NR1D2: variants seen among roughly 807,000 people sequenced by gnomAD.
NR1D2 encodes nuclear receptor subfamily 1 group D member 2, also known as V-erbA-related protein 1-related.
Under a neutral mutation model 52.2 loss-of-function variants are expected in NR1D2, and 25 were observed. That is an observed-to-expected ratio of 0.48 (90% CI 0.35 to 0.67). The LOEUF (loss-of-function observed/expected upper bound fraction) is 0.67. Ranked by LOEUF, NR1D2 falls within the 30% of genes least tolerant of loss-of-function variation. The pLI is 0.01. For synonymous variants in NR1D2, 259 were observed against 230.1 expected (o/e 1.13, Z -1.14); for missense variants, 681 against 707.2 (o/e 0.96, Z 0.42).
chr3:23,967,844 A>G lies in NR1D2; in HGVS notation c.1364A>G (p.Asp455Gly), dbSNP rs780472010. Residue 455 changes from aspartate to glycine, a missense_variant, in exon 7 of 8, where the codon GAT becomes GGT. Transcript: ENST00000312521. ...VLMVRFASLFDAKERTVTFLS... is the reference protein window; with the variant it reads ...VLMVRFASLFGAKERTVTFLS... ...ATGGTACGGTTCGCATCATTATTTGATGCAAAGGAACGTACTGTCACCTTT... is the reference window on the plus strand; with the variant it reads ...ATGGTACGGTTCGCATCATTATTTGGTGCAAAGGAACGTACTGTCACCTTT... 1.9e-6 allele frequency: 3 copies of G among 1,613,882 alleles called. No homozygotes were observed. The highest frequency in any genetic ancestry group is 2.2e-5 in the East Asian group (1 of 44,856).
At chr3:23,955,413 T>A (rs1160512554) in intron 2 of NR1D2, among the ~76,000 whole-genome samples, 36 of 152,212 alleles carry the variant, frequency 2.4e-4, no homozygotes, top group Admixed American at 2.4e-3. Context: ...AATTTCTTAT[T>A]TCCTGCTGAC....
chr3:23,950,718 A>G (rs1705902611), intron 1 of NR1D2, among the ~76,000 whole-genome samples: 1 of 152,152 alleles, frequency 6.6e-6, no homozygotes, highest in South Asian at 2.1e-4. Flanking sequence ...TAAGACAGGA[A>G]TTGGATCTTC....
chr3:23,950,102 C>T (rs1050986653), intron 1 of NR1D2, among the ~76,000 whole-genome samples: 2 of 152,164 alleles, frequency 1.3e-5, no homozygotes. Flanking sequence ...TTGGGACTTG[C>T]TGGTTTGGGG....
chr3:23,975,151 C>A (rs147920160), intron 7 of NR1D2, among the ~76,000 whole-genome samples: 5 of 151,928 alleles, frequency 3.3e-5, no homozygotes, highest in African/African-American at 1.2e-4. Context: ...GACAGCATCT[C>A]GCTCTGTCAC....
chr3:23,968,573 G>A lies in NR1D2; in HGVS notation c.1543+550G>A, dbSNP rs893476369. Among the ~76,000 whole-genome samples, 5 of 152,342 alleles carry A rather than the reference G, an allele frequency of 3.3e-5. No individual in the cohort carries two copies. The South Asian group carries it at 1.0e-3, about 32-fold the overall frequency. ...CTGTCAAAGGAAGGGGTTGTACCAT[G>A]TGAGCCTAGTGTGGTGTCTGGCATA... On this transcript the variant is annotated intron_variant, in intron 7 of 7. Coordinates refer to ENST00000312521, the MANE Select transcript of NR1D2 (RefSeq NM_005126.5).
chr3:23,959,498 C>A (rs1706180485), intron 3 of NR1D2, among the ~76,000 whole-genome samples, 173 bp from the exon 4 acceptor site: 1 of 152,002 alleles, frequency 6.6e-6, no homozygotes, highest in Admixed American at 6.6e-5. Context: ...AAATTAAATT[C>A]TGTGTGTCAA....
At chr3:23,973,486 G>T (rs1706643998) in intron 7 of NR1D2, among the ~76,000 whole-genome samples, 1 of 152,138 alleles carries the variant, frequency 6.6e-6, no homozygotes, top group South Asian at 2.1e-4. Flanking sequence ...AGATATGAAA[G>T]ATAAAAGCTG....
At position 23,954,830 on chromosome 3, in the gene NR1D2, T is replaced by G. The variant is rs1268848385; in HGVS notation, c.283+27T>G. On this transcript the variant is annotated intron_variant, in intron 2 of 7. Transcript: ENST00000312521. ...TAAGTTACTTTGGTTTTCTAAAGAT[T>G]GCTGCCATTAATTGCAAATGGGGCT... 7 of 1,604,876 alleles carry G rather than the reference T, an allele frequency of 4.4e-6. No individual in the cohort carries two copies. In the African/African-American group the frequency reaches 6.7e-5, roughly 15 times the overall value.
intron 2 of NR1D2, 131 bp downstream of exon 2, chr3:23,954,934 A>T: frequency 2.6e-6 from 2 of 768,834 alleles, no homozygotes; most frequent in Non-Finnish European, 2.1e-6. Context: ...ATCATACATC[A>T]GTAGTTAGGG....
rs368033025 is a variant in NR1D2, at chr3:23,969,309, C to CA, written c.1543+1296dup. Among the ~76,000 whole-genome samples the CA allele has an allele frequency of 8.9e-3, 1,307 of 146,204 alleles. 10 individuals carry two copies. Among genetic ancestry groups the CA allele is most frequent in the African/African-American group, 0.011 (420 of 39,926 alleles). ...TGTTAAAAAACAAAAACAAAAACAA[C>CA]AAAAAAAAAACAAGTTATTTGTATA... is the stretch of plus-strand genomic sequence containing the variant. On this transcript the variant is annotated intron_variant, in intron 7 of 7. Coordinates refer to ENST00000312521, the MANE Select transcript of NR1D2 (RefSeq NM_005126.5).
rs545125675 is a variant in NR1D2, at chr3:23,962,484, A to G, written c.1025A>G (p.His342Arg). 27 of 1,614,204 alleles carry G rather than the reference A, an allele frequency of 1.7e-5. 1 individual carries two copies. In the East Asian group the frequency reaches 2.0e-4, roughly 12 times the overall value. The change falls in exon 5 of 8, where the codon CAT becomes CGT. Residue 342 changes from histidine to arginine, a missense_variant. By Grantham distance (29) the His-to-Arg change is conservative (BLOSUM62 0). Around this residue, in one of 3 missense-constraint regions of NR1D2, gnomAD observed 475 missense variants for 454.5 expected, o/e 1.05. Transcript: ENST00000312521. ...CATGCCATTTGTATTGCAAATGGAC[A>G]TTGTATGAACTTCTCCAATGCTTAT... ...NGHAICIANG[H>R]CMNFSNAYTQ...
At chr3:23,975,647 T>C (rs1182059579) in intron 7 of NR1D2, among the ~76,000 whole-genome samples, 1 of 152,010 alleles carries the variant, frequency 6.6e-6, no homozygotes, top group Non-Finnish European at 1.5e-5. Context: ...TAATCCCAGC[T>C]ACTCAGGAGG....
chr3:23,947,568 C>A (rs142861651), intron 1 of NR1D2, among the ~76,000 whole-genome samples: 1 of 152,300 alleles, frequency 6.6e-6, no homozygotes, highest in African/African-American at 2.4e-5. Flanking sequence ...CCCTGGCAGG[C>A]TTAGTATTTT....
intron 1 of NR1D2, chr3:23,946,023 GGGCGGGGGCGCGCGCGCGCGCGCT>G (rs1705681916): frequency 2.5e-6 from 2 of 813,068 alleles, no homozygotes; most frequent in South Asian, 5.5e-5. Context: ...GGACACGTGG[GGGCGGGGGCGCGCGCGCGCGCGCT>G]GGCTGGGAGC....
At chr3:23,962,799 A>G (rs763749910) in intron 5 of NR1D2, among the ~76,000 whole-genome samples, 194 bp downstream of exon 5, 5 of 152,230 alleles carry the variant, frequency 3.3e-5, no homozygotes, top group Non-Finnish European at 5.9e-5. Context: ...TTTCACACCC[A>G]GCTAGGTACA....
intron 3 of NR1D2, among the ~76,000 whole-genome samples, chr3:23,958,142 G>T (rs1302168884): frequency 1.3e-5 from 2 of 152,206 alleles, no homozygotes; most frequent in Admixed American, 1.3e-4. Flanking sequence ...GTTGGGAACT[G>T]TCTTTCCTTG....
At chr3:23,973,535 C>G (rs542067397) in intron 7 of NR1D2, among the ~76,000 whole-genome samples, 2 of 152,144 alleles carry the variant, frequency 1.3e-5, no homozygotes, top group African/African-American at 4.8e-5. Flanking sequence ...ATGCAGCTTA[C>G]AGGACTGGAA....
intron 1 of NR1D2, chr3:23,945,997 T>C: frequency 1.6e-6 from 1 of 613,540 alleles, no homozygotes; most frequent in Non-Finnish European, 2.0e-6. Context: ...CTGACCCACA[T>C]TCCCCGGGGC....
intron 6 of NR1D2, among the ~76,000 whole-genome samples, chr3:23,967,146 TG>T (rs1459187104): frequency 6.6e-6 from 1 of 152,102 alleles, no homozygotes; most frequent in Non-Finnish European, 1.5e-5. Context: ...GTCAACATGG[TG>T]AAACCCCATC....
Sources: gnomAD v4.1 joint callset for allele counts (sites outside exome capture counted in the v4.1 genomes callset) on GRCh38, gnomAD v4.1.1 for gene constraint, gnomAD v4.1.1 regional missense constraint, MANE v1.5 for transcripts, NCBI Gene and HGNC (gene_info 2026-07-23, HGNC 2026-07-21) for gene names.